CTIF: variants seen among roughly 807,000 people sequenced by gnomAD.
CTIF encodes CBP80/20-dependent translation initiation factor.
In CTIF, 21 loss-of-function variants were observed where a neutral mutation model predicts 66.0. The observed-to-expected ratio is 0.32, with a 90% confidence interval of 0.23 to 0.46. The LOEUF (loss-of-function observed/expected upper bound fraction) is 0.46, where lower values mean the gene tolerates loss of function less well. Ranked by LOEUF, CTIF falls within the 20% of genes least tolerant of loss-of-function variation. The pLI is 1.00. For synonymous variants in CTIF, 345 were observed against 326.4 expected, an observed-to-expected ratio of 1.06 and a Z score of -0.62; for missense variants, 739 against 812.7, an observed-to-expected ratio of 0.91 and a Z score of 1.10.
intron 10 of CTIF, among the ~76,000 whole-genome samples, chr18:48,832,596 G>A (rs982076020): frequency 2.0e-5 from 3 of 152,202 alleles, no homozygotes; most frequent in African/African-American, 7.2e-5. Flanking sequence ...ACAGCAGCTC[G>A]ACAGAAATCG....
chr18:48,699,432 G>GGCTGGA (rs1568146978), intron 6 of CTIF, among the ~76,000 whole-genome samples: 8 of 151,806 alleles, frequency 5.3e-5, no homozygotes, highest in African/African-American at 1.9e-4. Flanking sequence ...CTGGGGCTGG[G>GGCTGGA]GCTGGAGCCG....
chr18:48,691,821 C>A (rs903251515), intron 6 of CTIF, among the ~76,000 whole-genome samples: 2 of 152,184 alleles, frequency 1.3e-5, no homozygotes, highest in African/African-American at 4.8e-5. Flanking sequence ...TATTCTTATC[C>A]TCCACCGCCC....
intron 9 of CTIF, among the ~76,000 whole-genome samples, chr18:48,798,023 C>T (rs12956065): frequency 0.1 from 15,717 of 152,146 alleles, 835 homozygotes; most frequent in African/African-American, 0.12. Context: ...GGTAGCACTT[C>T]CTCTGCCCGC....
At position 48,765,776 on chromosome 18, in the gene CTIF, G is replaced by T. The variant is rs1057074202; in HGVS notation, c.1371+4087G>T. 5.3e-5 allele frequency among the ~76,000 whole-genome samples: 8 copies of T among 152,244 alleles called. No homozygotes were observed. The East Asian group carries it at 1.5e-3, about 29-fold the overall frequency. On this transcript the variant is annotated intron_variant, in intron 9 of 11. Transcript: ENST00000256413. ...TGCTGGAGACCTTGGGGTCTCAGAG[G>T]ACCCCGTCACCAATCCCACAGCTCC...
chr18:48,622,462 A>G (rs2090514703), intron 2 of CTIF, among the ~76,000 whole-genome samples: 1 of 152,068 alleles, frequency 6.6e-6, no homozygotes, highest in African/African-American at 2.4e-5. Context: ...CCAAGAAAGG[A>G]CAAAAGGATG....
intron 9 of CTIF, among the ~76,000 whole-genome samples, chr18:48,798,833 G>A (rs2067987411): frequency 6.6e-6 from 1 of 152,200 alleles, no homozygotes; most frequent in South Asian, 2.1e-4. Context: ...TTTATCTGGA[G>A]CTTTCACAAC....
At chr18:48,855,578 C>T (rs10853572) in intron 10 of CTIF, among the ~76,000 whole-genome samples, 89,697 of 152,116 alleles carry the variant, frequency 0.59, 28,884 homozygotes, top group African/African-American at 0.86. Flanking sequence ...CGTCCAACAT[C>T]TCCTAAGCGG....
chr18:48,635,183 C>T lies in CTIF; in HGVS notation c.181-1431C>T, dbSNP rs974045094. On this transcript the variant is annotated intron_variant, in intron 2 of 11. Transcript: ENST00000256413. ...ACAAAGGTCATACCCTTGAGCCATG[C>T]TCAGGAGGGCATGTCCAGCCAAGGT... Among the ~76,000 whole-genome samples the T allele has an allele frequency of 7.2e-5, 11 of 152,300 alleles. No homozygotes were observed. The East Asian group carries it at 2.1e-3, about 29-fold the overall frequency.
At chr18:48,638,359 A>G (rs1386816834) in intron 3 of CTIF, among the ~76,000 whole-genome samples, 1 of 152,160 alleles carries the variant, frequency 6.6e-6, no homozygotes, top group African/African-American at 2.4e-5. Flanking sequence ...GGAATGTTCC[A>G]ATGAAGAGTC....
At chr18:48,823,412 A>C (rs1461454142) in intron 10 of CTIF, among the ~76,000 whole-genome samples, 1 of 152,220 alleles carries the variant, frequency 6.6e-6, no homozygotes, top group Non-Finnish European at 1.5e-5. Context: ...CGTTTATTGA[A>C]GAGACTGTCT....
chr18:48,741,590 T>C (rs1342895876), intron 7 of CTIF, among the ~76,000 whole-genome samples: 1 of 151,948 alleles, frequency 6.6e-6, no homozygotes, highest in African/African-American at 2.4e-5. Flanking sequence ...GCCTGGCTAA[T>C]TTTTTTGTAT....
chr18:48,574,392 T>A (rs2089484776), intron 1 of CTIF, among the ~76,000 whole-genome samples: 1 of 152,230 alleles, frequency 6.6e-6, no homozygotes, highest in Non-Finnish European at 1.5e-5. Context: ...AACGAGTGCA[T>A]AATATTGCAT....
At chr18:48,751,391 A>G (rs1301868406) in intron 7 of CTIF, among the ~76,000 whole-genome samples, 3 of 152,178 alleles carry the variant, frequency 2.0e-5, no homozygotes, top group Non-Finnish European at 4.4e-5. Context: ...GTCCTGGGAT[A>G]AAGCTAGAGA....
intron 9 of CTIF, among the ~76,000 whole-genome samples, chr18:48,765,372 T>G (rs1909424255): frequency 6.6e-6 from 1 of 151,866 alleles, no homozygotes; most frequent in South Asian, 2.1e-4. Context: ...AGGATCAGGT[T>G]CAGCTACCAC....
chr18:48,607,273 G>C (rs16949614), intron 1 of CTIF, among the ~76,000 whole-genome samples: 21,421 of 152,126 alleles, frequency 0.14, 1,999 homozygotes, highest in African/African-American at 0.28. Context: ...AGAATTCAGG[G>C]AGAGCTGTAA....
At chr18:48,565,796 G>A (rs1283774231) in intron 1 of CTIF, 1 of 152,254 alleles carries the variant, frequency 6.6e-6, no homozygotes, top group Non-Finnish European at 1.5e-5. Flanking sequence ...ATCTGGCTTG[G>A]GCGCCCCACC....
chr18:48,793,014 G>C (rs937769639), intron 9 of CTIF, among the ~76,000 whole-genome samples: 2 of 152,184 alleles, frequency 1.3e-5, no homozygotes, highest in Non-Finnish European at 2.9e-5. Flanking sequence ...CAGAGGATGA[G>C]GATCTATGGT....
intron 1 of CTIF, among the ~76,000 whole-genome samples, chr18:48,579,632 C>T (rs1233855909): frequency 6.6e-6 from 1 of 152,232 alleles, no homozygotes; most frequent in Admixed American, 6.5e-5. Flanking sequence ...AAGTACCAGG[C>T]ATCCCTGCTG....
At chr18:48,695,834 C>T (rs750296305) in intron 6 of CTIF, among the ~76,000 whole-genome samples, 11 of 152,162 alleles carry the variant, frequency 7.2e-5, no homozygotes, top group Non-Finnish European at 1.2e-4. Flanking sequence ...AGGAGAAGAG[C>T]GCGTATTTAT....
Sources: allele counts gnomAD v4.1 joint callset (sites outside exome capture counted in the v4.1 genomes callset), GRCh38; gene constraint gnomAD v4.1.1; transcripts MANE v1.5; gene names NCBI Gene and HGNC (gene_info 2026-07-23, HGNC 2026-07-21).